The following NEK1 variants were observed in gnomAD, a reference collection of about 807,000 sequenced individuals.
NEK1 encodes serine/threonine-protein kinase Nek1.
A neutral mutation model predicts 182.1 loss-of-function variants in NEK1; 137 were observed. The observed-to-expected ratio is 0.75, with a 90% CI of 0.65 to 0.87. The LOEUF is 0.87. Among genes scored for constraint, NEK1 ranks in the 40% least tolerant of loss-of-function variants. The pLI, the probability that NEK1 is intolerant of heterozygous loss-of-function variation, is 0.00. For missense variants in NEK1, 1,391 were observed against 1,494.4 expected, an observed-to-expected ratio of 0.93 and a Z score of 1.14; for synonymous variants, 513 against 492.2, an observed-to-expected ratio of 1.04 and a Z score of -0.56.
intron 31 of NEK1, among the ~76,000 whole-genome samples, chr4:169,417,373 A>T (rs113666755): frequency 5.3e-5 from 8 of 152,360 alleles, no homozygotes; most frequent in African/African-American, 1.9e-4. Context: ...AGTCTTAAGC[A>T]TGGCTGTGAT....
At chr4:169,607,906 T>C (rs1560801077) in intron 2 of NEK1, among the ~76,000 whole-genome samples, 3 of 151,670 alleles carry the variant, frequency 2.0e-5, no homozygotes, top group Non-Finnish European at 4.4e-5. Context: ...TAGAAAATAT[T>C]CAACAAAAAA....
intron 10 of NEK1, among the ~76,000 whole-genome samples, chr4:169,584,890 T>C (rs1012709471): frequency 6.6e-6 from 1 of 151,974 alleles, no homozygotes; most frequent in Non-Finnish European, 1.5e-5. Context: ...AAAACAGTTA[T>C]ATAAGAATGG....
intron 19 of NEK1, among the ~76,000 whole-genome samples, chr4:169,512,656 T>C (rs1286869507): frequency 5.3e-5 from 8 of 152,068 alleles, no homozygotes; most frequent in Admixed American, 5.2e-4. Flanking sequence ...ATTATACTCT[T>C]GGTGTCAAGT....
chr4:169,443,051 TTATCTATCTATC>T (rs58470007), intron 27 of NEK1, among the ~76,000 whole-genome samples: 2,040 of 141,794 alleles, frequency 0.014, 24 homozygotes, highest in African/African-American at 0.039. Flanking sequence ...TAAAAATATT[TTATCTATCTATC>T]TATCTATCTA....
chr4:169,540,590 G>A (rs1759242881), intron 18 of NEK1, among the ~76,000 whole-genome samples: 1 of 152,054 alleles, frequency 6.6e-6, no homozygotes, highest in Non-Finnish European at 1.5e-5. Context: ...ACACTATTAA[G>A]AATTCACGTG....
At chr4:169,473,733 AAG>A (rs879860390) in intron 26 of NEK1, among the ~76,000 whole-genome samples, 4 of 150,854 alleles carry the variant, frequency 2.7e-5, no homozygotes, top group Admixed American at 1.3e-4. Flanking sequence ...AAAAATACGA[AAG>A]AGAGAGAGAG....
intron 12 of NEK1, 110 bp downstream of exon 12, chr4:169,576,818 G>T: frequency 1.9e-6 from 2 of 1,065,356 alleles, no homozygotes; most frequent in Non-Finnish European, 2.7e-6. Flanking sequence ...GACATTCCTT[G>T]GTAACTTAAT....
At chr4:169,415,223 A>C (rs1320989512) in intron 31 of NEK1, among the ~76,000 whole-genome samples, 1 of 152,264 alleles carries the variant, frequency 6.6e-6, no homozygotes, top group African/African-American at 2.4e-5. Context: ...GACCTTTCAC[A>C]AACTAACCTT....
intron 12 of NEK1, among the ~76,000 whole-genome samples, chr4:169,565,446 T>A (rs1010480564): frequency 6.6e-6 from 1 of 152,196 alleles, no homozygotes. Context: ...GGCACTATTG[T>A]TGAAGAACAA....
At chr4:169,507,190 T>TG (rs1280221732) in intron 22 of NEK1, 58 bp from the exon 23 acceptor site, 1 of 982,604 alleles carries the variant, frequency 1.0e-6, no homozygotes, top group Non-Finnish European at 1.4e-6. Context: ...GAGGTTTTTT[T>TG]TTTTTTTTTT....
At chr4:169,501,134 A>G (rs868173127) in intron 23 of NEK1, among the ~76,000 whole-genome samples, 1 of 152,238 alleles carries the variant, frequency 6.6e-6, no homozygotes, top group Admixed American at 6.5e-5. Context: ...CTTTAAATCA[A>G]CAACAGTACA....
Position 169,588,633 on chromosome 4 carries a change from A to G in NEK1, c.551+16T>C, listed in dbSNP as rs1385193524. The G allele has an allele frequency of 5.6e-6, 8 of 1,436,490 alleles. No individual in the cohort carries two copies. Among genetic ancestry groups the G allele is most frequent in the South Asian group, 2.5e-5 (2 of 80,388 alleles). 89.0% of individuals were successfully genotyped at this position (1,436,490 alleles called of 1,614,324 possible). On this transcript the variant is annotated intron_variant, in intron 8 of 35. Transcript: ENST00000507142. ...TGAAAGCAAATACATCACATAATGA[A>G]TATCATTTTAAATACCTTTTATTAT...
chr4:169,462,808 T>C (rs1744212570), intron 27 of NEK1, among the ~76,000 whole-genome samples: 1 of 152,174 alleles, frequency 6.6e-6, no homozygotes, highest in Non-Finnish European at 1.5e-5. Flanking sequence ...ACAAAACTTA[T>C]GGATCAGGAA....
At chr4:169,525,671 A>G (rs1316609967) in intron 19 of NEK1, among the ~76,000 whole-genome samples, 9 of 152,176 alleles carry the variant, frequency 5.9e-5, no homozygotes, top group Admixed American at 4.6e-4. Flanking sequence ...AGAGTTGAAC[A>G]GTTGTACAAA....
rs1380006412 is a variant in NEK1 at position 169,562,199 on chromosome 4, G to A, written c.1021-3C>T. ...CTCTTCTCTGGAGTTTGATGGGCCT[G>A]GACAAAAAGTAAAACTACAAATTAA... is the stretch of plus-strand genomic sequence containing the variant. On this transcript the variant is annotated splice_region_variant and splice_polypyrimidine_tract_variant and intron_variant, in intron 12 of 35. Coordinates refer to ENST00000507142, the MANE Select transcript of NEK1 (RefSeq NM_001199397.3). 2.6e-6 allele frequency: 4 copies of A among 1,522,104 alleles called. No homozygotes were observed. The highest frequency in any genetic ancestry group is 2.6e-5 in the South Asian group (2 of 77,526). 94.3% of individuals were successfully genotyped at this position (1,522,104 alleles called of 1,614,324 possible). A position where few individuals can be genotyped will look rare whatever the true frequency, so the allele number is the denominator to read the frequency against.
At chr4:169,589,354 T>G in intron 7 of NEK1, 93 bp downstream of exon 7, 1 of 774,806 alleles carries the variant, frequency 1.3e-6, no homozygotes, top group Non-Finnish European at 2.1e-6. Context: ...AAGAATGTAC[T>G]TAAAGATACC....
intron 23 of NEK1, among the ~76,000 whole-genome samples, chr4:169,489,610 T>C (rs2149600300): frequency 6.6e-6 from 1 of 152,224 alleles, no homozygotes; most frequent in African/African-American, 2.4e-5. Context: ...CCTCACAAAG[T>C]CTGGTCCATT....
chr4:169,506,977 C>A, intron 23 of NEK1, 60 bp downstream of exon 23: 7 of 1,120,616 alleles, frequency 6.2e-6, no homozygotes, highest in Admixed American at 4.6e-5. Context: ...GATGTACTAC[C>A]CAGGAAGAGC....
At chr4:169,521,442 G>A (rs1484963504) in intron 19 of NEK1, among the ~76,000 whole-genome samples, 1 of 150,554 alleles carries the variant, frequency 6.6e-6, no homozygotes. Context: ...TACCTCAGAT[G>A]GAAATGCAGA....
Sources: allele counts gnomAD v4.1 joint callset (sites outside exome capture counted in the v4.1 genomes callset), GRCh38; gene constraint gnomAD v4.1.1; transcripts MANE v1.5; gene names NCBI Gene and HGNC (gene_info 2026-07-23, HGNC 2026-07-21).